Variants in PSD3 observed in about 807,000 individuals in gnomAD.
PSD3 encodes PH and SEC7 domain-containing protein 3.
PSD3 carries 49 observed loss-of-function variants against 105.5 expected under a neutral mutation model. The observed-to-expected ratio is 0.46, with a 90% CI of 0.37 to 0.59. The LOEUF is 0.59. PSD3 is among the 20% of genes least tolerant of loss of function. PSD3 has a pLI of 0.00. For synonymous variants in PSD3, 557 were observed against 457.8 expected, an observed-to-expected ratio of 1.22 and a Z score of -2.77; for missense variants, 1,561 against 1,263.8, an observed-to-expected ratio of 1.24 and a Z score of -3.57.
At chr8:18,884,106 C>A (rs1489894658) in intron 2 of PSD3, among the ~76,000 whole-genome samples, 1 of 152,058 alleles carries the variant, frequency 6.6e-6, no homozygotes, top group African/African-American at 2.4e-5. Context: ...AAAAGAGTGA[C>A]CACTCTGATC....
rs369562973 is a variant in PSD3, at chr8:18,894,076, T to C, written c.131-21343A>G. ...ATTGCTTAAAACAGTGCCCAGCACA[T>C]AGGAAATATTCAGTAAGAATTAGCT... is the stretch of plus-strand genomic sequence containing the variant. On this transcript the variant is annotated intron_variant, in intron 2 of 15. Transcript: ENST00000327040. Among the ~76,000 whole-genome samples, 20 of 152,342 alleles carry C rather than the reference T, an allele frequency of 1.3e-4. 1 individual carries two copies. The East Asian group carries it at 2.7e-3, about 21-fold the overall frequency.
At chr8:18,928,509 G>A (rs1209934982) in intron 2 of PSD3, among the ~76,000 whole-genome samples, 2 of 152,030 alleles carry the variant, frequency 1.3e-5, no homozygotes, top group Admixed American at 6.5e-5. Context: ...CCATATAATC[G>A]ACTATTATTC....
At chr8:18,713,713 A>G (rs1440335571) in intron 9 of PSD3, among the ~76,000 whole-genome samples, 2 of 152,224 alleles carry the variant, frequency 1.3e-5, no homozygotes, top group African/African-American at 2.4e-5. Context: ...GCCCAAAATA[A>G]TTTATACATT....
intron 11 of PSD3, among the ~76,000 whole-genome samples, chr8:18,621,507 T>C (rs1389387508): frequency 6.6e-6 from 1 of 152,230 alleles, no homozygotes; most frequent in East Asian, 1.9e-4. Flanking sequence ...TGAGCCATCA[T>C]TACGGAATGT....
intron 1 of PSD3, among the ~76,000 whole-genome samples, chr8:18,962,016 C>A (rs930902460): frequency 6.6e-6 from 1 of 152,086 alleles, no homozygotes; most frequent in Non-Finnish European, 1.5e-5. Context: ...GAGACCGAGG[C>A]ATGCGGATCA....
In PSD3 at chr8:18,774,507, CT is replaced by C. The variant is rs201076434; in HGVS notation, c.2083-8970del. 1.9e-3 allele frequency: 456 copies of C among 244,902 alleles called. 1 individual carries two copies. Among genetic ancestry groups the C allele is most frequent in the African/African-American group, 7.8e-3 (338 of 43,522 alleles). The allele number at this position is 244,902 out of a possible 1,614,324, so 15.2% of individuals were successfully genotyped here. A position where few individuals can be genotyped will look rare whatever the true frequency, so the allele number is the denominator to read the frequency against. ...ATTTTTGTGCCCATTAACCTAACAC[CT>C]TTTTTTTTCCTCCAGTTTGAATTTT... On this transcript the variant is annotated intron_variant, in intron 8 of 15. Transcript: ENST00000327040.
chr8:18,891,859 T>C (rs951576976), intron 2 of PSD3, among the ~76,000 whole-genome samples: 8 of 152,244 alleles, frequency 5.3e-5, no homozygotes, highest in African/African-American at 1.9e-4. Flanking sequence ...TCTGGTATCT[T>C]TTTGAGAAAA....
intron 11 of PSD3, among the ~76,000 whole-genome samples, chr8:18,613,446 G>GT (rs1805423767): frequency 6.6e-6 from 1 of 152,086 alleles, no homozygotes; most frequent in Admixed American, 6.5e-5. Flanking sequence ...TTGCTGATGC[G>GT]TATTTCCTTT....
chr8:18,688,610 T>C (rs556466544), intron 9 of PSD3, among the ~76,000 whole-genome samples: 36 of 152,324 alleles, frequency 2.4e-4, no homozygotes, highest in Middle Eastern at 3.4e-3. Flanking sequence ...CATCCTAACA[T>C]TGAAACAACA....
At chr8:18,966,949 C>T (rs375996894) in intron 1 of PSD3, among the ~76,000 whole-genome samples, 4 of 152,226 alleles carry the variant, frequency 2.6e-5, no homozygotes, top group African/African-American at 9.6e-5. Context: ...GTGCACTTTG[C>T]TATTAAGTGT....
intron 1 of PSD3, among the ~76,000 whole-genome samples, chr8:18,949,242 A>C (rs866754652): frequency 3.8e-5 from 1 of 26,606 alleles, no homozygotes; most frequent in Non-Finnish European, 8.5e-5. Context: ...AAAAAAAAAA[A>C]AAATATATAT....
chr8:18,789,130 A>G (rs1017725168), intron 8 of PSD3, among the ~76,000 whole-genome samples: 11 of 152,232 alleles, frequency 7.2e-5, no homozygotes, highest in Non-Finnish European at 1.6e-4. Flanking sequence ...AAAAAGAAAA[A>G]AAGGAACTAA....
At position 18,621,713 on chromosome 8, in the gene PSD3, G is replaced by A. The variant is rs560123116; in HGVS notation, c.2410+10900C>T. Among the ~76,000 whole-genome samples the A allele has an allele frequency of 5.9e-5, 9 of 152,226 alleles. No individual in the cohort carries two copies. The South Asian group carries it at 1.9e-3, about 32-fold the overall frequency. ...AAACTGCTCCGTTACACACCCTGCT[G>A]CCAGAGAACAGCCAAGTGCCAAGGG... is the stretch of plus-strand genomic sequence containing the variant. On this transcript the variant is annotated intron_variant, in intron 11 of 15. Transcript: ENST00000327040.
Position 19,033,799 on chromosome 8 carries a change from T to A in PSD3, c.324+50407A>T, listed in dbSNP as rs555183761. On this transcript the variant is annotated intron_variant, in intron 1 of 1. Coordinates refer to the PSD3 transcript ENST00000521475. ...CCCCACAAACAACTCTATAACTGTATGGATTTTAGTGGTTTCTGTACAAAC... is the reference window on the plus strand; with the variant it reads ...CCCCACAAACAACTCTATAACTGTAAGGATTTTAGTGGTTTCTGTACAAAC... 1.7e-3 allele frequency among the ~76,000 whole-genome samples: 261 copies of A among 152,180 alleles called. 1 individual carries two copies. Among genetic ancestry groups the A allele is most frequent in the Non-Finnish European group, 3.1e-3 (209 of 68,002 alleles).
chr8:18,655,895 A>G (rs1808853987), intron 9 of PSD3, among the ~76,000 whole-genome samples: 1 of 152,192 alleles, frequency 6.6e-6, no homozygotes, highest in African/African-American at 2.4e-5. Context: ...AAACTTTCAC[A>G]AAGTTATAAC....
At chr8:18,899,120 G>A (rs1393829789) in intron 2 of PSD3, among the ~76,000 whole-genome samples, 1 of 152,050 alleles carries the variant, frequency 6.6e-6, no homozygotes, top group African/African-American at 2.4e-5. Context: ...TTGTTTTCTA[G>A]AACTGCTTCT....
At chr8:18,987,534 G>A (rs374306446) in intron 1 of PSD3, among the ~76,000 whole-genome samples, 4 of 150,898 alleles carry the variant, frequency 2.7e-5, no homozygotes, top group Middle Eastern at 3.4e-3. Context: ...TGATCCACCC[G>A]CCTCGGCCTC....
intron 1 of PSD3, among the ~76,000 whole-genome samples, chr8:18,948,344 G>A (rs987927305): frequency 2.6e-4 from 39 of 152,176 alleles, no homozygotes; most frequent in African/African-American, 8.4e-4. Context: ...AGCTCTCCAC[G>A]TTGGGAGAGC....
chr8:19,036,380 T>A (rs1827944438), intron 1 of PSD3, among the ~76,000 whole-genome samples: 1 of 152,074 alleles, frequency 6.6e-6, no homozygotes, highest in African/African-American at 2.4e-5. Flanking sequence ...TAGGTTGAAA[T>A]TTTGAAGCTC....
Sources: allele counts gnomAD v4.1 joint callset (sites outside exome capture counted in the v4.1 genomes callset), GRCh38; gene constraint gnomAD v4.1.1; transcripts MANE v1.5; gene names NCBI Gene and HGNC (gene_info 2026-07-23, HGNC 2026-07-21).